The following CCDC187 variants were observed in gnomAD, a reference collection of about 807,000 sequenced individuals.
CCDC187 encodes coiled-coil domain containing 187.
A neutral mutation model predicts 38.0 loss-of-function variants in CCDC187; 32 were observed. The ratio of observed to expected loss-of-function variants is 0.84; its 90% CI spans 0.64 to 1.13. The LOEUF (loss-of-function observed/expected upper bound fraction) is 1.13, where lower values mean the gene tolerates loss of function less well. Among genes scored for constraint, CCDC187 ranks in the 50% most tolerant of loss-of-function variants. The pLI is 0.00. For missense variants in CCDC187, 707 were observed against 786.8 expected (o/e 0.90, Z 1.21); for synonymous variants, 333 against 347.9 (o/e 0.96, Z 0.48).
Position 136,286,534 on chromosome 9 carries a change from C to T in CCDC187, c.2384G>A (p.Arg795Gln), listed in dbSNP as rs953274949. ...TGGGTCCAGGTAGATGCACATCCCC[C>T]GGGGTAGGTAGCGGGTGGTCAGGTC... The part of the protein sequence containing the change: ...LQDLTTRYLP[R>Q]GMCIYLDPKE... Residue 795 changes from arginine (R) to glutamine (Q), a missense_variant, in exon 8 of 26, where the codon CGG (arginine) becomes CAG (glutamine). By Grantham distance (43) the Arg-to-Gln change is conservative. Transcript: ENST00000638797. The T allele has an allele frequency of 2.5e-5, 10 of 398,610 alleles. No homozygotes were observed. Among genetic ancestry groups the T allele is most frequent in the Admixed American group, 8.8e-5 (2 of 22,718 alleles). The allele number at this position is 398,610 out of a possible 1,614,324, so 24.7% of individuals were successfully genotyped here.
chr9:136,250,973 G>T lies in CCDC187; in HGVS notation c.*2621C>A, dbSNP rs889229486. 1 of 455,880 alleles carries T rather than the reference G, an allele frequency of 2.2e-6. No individual in the cohort carries two copies. The highest frequency in any genetic ancestry group is 4.4e-6 in the Non-Finnish European group (1 of 226,692). 28.2% of individuals were successfully genotyped at this position (455,880 alleles called of 1,614,324 possible). ...TGGGGTAGAGGGCCTTGGCAGCTCCGTGTGTCCTGTGACCTGGCATCTTAG... is the reference window on the plus strand; with the variant it reads ...TGGGGTAGAGGGCCTTGGCAGCTCCTTGTGTCCTGTGACCTGGCATCTTAG... On this transcript the variant is annotated 3_prime_UTR_variant, in exon 26 of 26. Transcript: ENST00000638797.
At chr9:136,294,889 G>A (rs1416083571) in intron 4 of CCDC187, among the ~76,000 whole-genome samples, 11 of 152,222 alleles carry the variant, frequency 7.2e-5, no homozygotes, top group East Asian at 1.9e-4. Flanking sequence ...GGTTTAGGGC[G>A]TGGTCTCAGG....
rs1055116212 is a variant in CCDC187, at chr9:136,286,088, G to A, written c.2830C>T (p.Arg944Ter). Residue 944 changes from arginine to a stop codon, truncating the protein, a stop_gained, in exon 8 of 26, where the codon CGA (arginine) becomes TGA (stop). Transcript: ENST00000638797. LOFTEE classifies it high-confidence loss of function. The stretch of plus-strand genomic sequence containing the variant: ...CGTGTCCCGGGTGCCGGCCTACCTC[G>A]GGGCTTGCTCTCGCAGTGGGCCCTC... ...SPRAHCESKP[R>*]GFPEEGHVDV... 10 of 398,466 alleles carry A rather than the reference G, an allele frequency of 2.5e-5. No individual in the cohort carries two copies. The South Asian group carries it at 3.8e-4, about 15-fold the overall frequency. 24.7% of individuals were successfully genotyped at this position (398,466 alleles called of 1,614,324 possible).
At chr9:136,256,105 G>A (rs1438434429) in intron 24 of CCDC187, 106 bp downstream of exon 24, 2 of 518,042 alleles carry the variant, frequency 3.9e-6, no homozygotes, top group African/African-American at 4.1e-5. Context: ...GCACAGGTGT[G>A]CCAGGAGAGA....
rs1433325714 is a variant in CCDC187, at chr9:136,284,276, C to T, written c.2927+1237G>A. Among the ~76,000 whole-genome samples, 3 of 152,294 alleles carry T rather than the reference C, an allele frequency of 2.0e-5. No homozygotes were observed. In the East Asian group the frequency reaches 5.8e-4, roughly 30 times the overall value. ...TGGTGTCTGCCCTCATGCCCTCGGC[C>T]ACCCAGCAGAAGACAGCTTGGTGGA... On this transcript the variant is annotated intron_variant, in intron 9 of 25. Transcript: ENST00000638797.
Position 136,258,747 on chromosome 9 carries a change from G to A in CCDC187, c.4366+185C>T, listed in dbSNP as rs1830645503. 3 of 985,484 alleles carry A rather than the reference G, an allele frequency of 3.0e-6. No homozygotes were observed. The highest frequency in any genetic ancestry group is 3.6e-6 in the Non-Finnish European group (3 of 829,940). 61.0% of individuals were successfully genotyped at this position (985,484 alleles called of 1,614,324 possible). A position where few individuals can be genotyped will look rare whatever the true frequency, so the allele number is the denominator to read the frequency against. ...AGCCGCTGCGTCACCTCCGGTAGGA[G>A]ATGGAGCCGGCCACTCTTCTTGCAG... On this transcript the variant is annotated intron_variant, in intron 22 of 25. Coordinates refer to ENST00000638797, the MANE Select transcript of CCDC187 (RefSeq NM_001378188.1). The surrounding 1 kb of genome is among the most constrained non-coding windows in gnomAD (Gnocchi z 4.3).
chr9:136,295,849 G>C (rs1017449963), intron 4 of CCDC187: 2 of 152,284 alleles, frequency 1.3e-5, no homozygotes, highest in African/African-American at 2.4e-5. Flanking sequence ...CCAAAGACCT[G>C]GGGGAGGGAG....
intron 3 of CCDC187, among the ~76,000 whole-genome samples, chr9:136,298,988 G>A (rs1447455846): frequency 6.6e-6 from 1 of 152,208 alleles, no homozygotes; most frequent in Non-Finnish European, 1.5e-5. Flanking sequence ...GAGGCTGCCA[G>A]GAGCCGGTGA....
chr9:136,305,723 T>G (rs1251358616), upstream of CCDC187, among the ~76,000 whole-genome samples: 3 of 152,210 alleles, frequency 2.0e-5, no homozygotes, highest in Non-Finnish European at 2.9e-5. Context: ...TGGAAATGCG[T>G]CGCTGTGACT....
chr9:136,293,492 TGCTCACAC>T (rs1218817225), intron 4 of CCDC187, among the ~76,000 whole-genome samples: 4 of 133,720 alleles, frequency 3.0e-5, no homozygotes, highest in Admixed American at 7.4e-5. Context: ...CACAAACACA[TGCTCACAC>T]ACTCACAAAC....
In CCDC187 at chr9:136,291,137, A is replaced by G. The variant is rs1831318088; in HGVS notation, c.1476T>C (p.Ser492=). Residue 492 remains serine (S), a synonymous_variant, in exon 6 of 26, where the codon AGT becomes AGC. Transcript: ENST00000638797. ...GACTGCAGGCCTGCCCAGCCAGTGC[A>G]CTCCAGGGCCTCTGGGAGAAGTGGC... ...RLGHFSQRPW[S]ALAGQACSPQ... 2.5e-6 allele frequency: 1 copy of G among 397,434 alleles called. No homozygotes were observed. The highest frequency in any genetic ancestry group is 4.4e-6 in the Non-Finnish European group (1 of 225,690). 24.6% of individuals were successfully genotyped at this position (397,434 alleles called of 1,614,324 possible). A position where few individuals can be genotyped will look rare whatever the true frequency, so the allele number is the denominator to read the frequency against.
chr9:136,259,003 T>TG lies in CCDC187; in HGVS notation c.4297-3dup. On this transcript the variant is annotated splice_polypyrimidine_tract_variant and splice_region_variant and intron_variant, in intron 21 of 25. Transcript: ENST00000638797. The stretch of plus-strand genomic sequence containing the variant: ...GAGGCGCCCCTCCGCCTCCTCGGCC[T>TG]GGGGGGTGAGACGGGAGTGGACATG... 2.0e-6 allele frequency: 2 copies of TG among 984,166 alleles called. No homozygotes were observed. Among genetic ancestry groups the TG allele is most frequent in the Non-Finnish European group, 2.4e-6 (2 of 830,004 alleles). The allele number at this position is 984,166 out of a possible 1,614,324, so 61.0% of individuals were successfully genotyped here.
rs922788727 is a variant in CCDC187 at position 136,259,359 on chromosome 9, G to T, written c.4296+4C>A. 9.1e-6 allele frequency: 9 copies of T among 984,470 alleles called. No homozygotes were observed. Among genetic ancestry groups the T allele is most frequent in the Non-Finnish European group, 1.1e-5 (9 of 829,530 alleles). 61.0% of individuals were successfully genotyped at this position (984,470 alleles called of 1,614,324 possible). A position where few individuals can be genotyped will look rare whatever the true frequency, so the allele number is the denominator to read the frequency against. On this transcript the variant is annotated splice_donor_region_variant and intron_variant, in intron 21 of 25. Coordinates refer to ENST00000638797, the MANE Select transcript of CCDC187 (RefSeq NM_001378188.1). ...GGGAAAGGGCTTCCAGGGAGAGTGC[G>T]TACGGGAAAGGCTGGGCCCAGCCGC...
At chr9:136,304,958 C>T (rs1264803282), upstream of CCDC187, among the ~76,000 whole-genome samples, 1 of 152,240 alleles carries the variant, frequency 6.6e-6, no homozygotes, top group Admixed American at 6.5e-5. Context: ...AACCTGTCCT[C>T]TGGAACCGCC....
At position 136,264,468 on chromosome 9, in the gene CCDC187, C is replaced by CAG. The variant is rs1286470886; in HGVS notation, c.3736-672_3736-671dup. The stretch of plus-strand genomic sequence containing the variant: ...GGCCCCGTCGTTGCCATGTGACATG[C>CAG]AGACCCCTTCTAAGCCCCTTTTGTT... On this transcript the variant is annotated intron_variant, in intron 17 of 25. Transcript: ENST00000638797. This position sits in a 1 kb window ranked among gnomAD's most constrained non-coding sequence, Gnocchi z 4.3. 6.6e-6 allele frequency among the ~76,000 whole-genome samples: 1 copy of CAG among 152,168 alleles called. No individual in the cohort carries two copies. Among genetic ancestry groups the CAG allele is most frequent in the Non-Finnish European group, 1.5e-5 (1 of 68,026 alleles).
intron 6 of CCDC187, among the ~76,000 whole-genome samples, 166 bp from the exon 7 acceptor site, chr9:136,290,219 G>A (rs1831284300): frequency 1.3e-5 from 2 of 152,240 alleles, no homozygotes; most frequent in East Asian, 3.9e-4. Context: ...GAGGCAAGGG[G>A]GTCCCTCCGG....
intron 3 of CCDC187, among the ~76,000 whole-genome samples, chr9:136,299,048 T>C (rs1017079605): frequency 1.3e-5 from 2 of 152,172 alleles, no homozygotes; most frequent in Non-Finnish European, 2.9e-5. Context: ...TGCTGGACCC[T>C]GAACTTGACC....
intron 9 of CCDC187, among the ~76,000 whole-genome samples, 199 bp downstream of exon 9, chr9:136,285,314 C>T (rs1428348327): frequency 4.6e-5 from 7 of 152,118 alleles, no homozygotes; most frequent in South Asian, 2.1e-4. Context: ...TTCCCTGCCC[C>T]GGCCAGCGTC....
In CCDC187 at chr9:136,251,159, G is replaced by A. The variant is rs781908900; in HGVS notation, c.*2435C>T. 1.3e-5 allele frequency: 5 copies of A among 391,784 alleles called. No individual in the cohort carries two copies. Among genetic ancestry groups the A allele is most frequent in the Admixed American group, 2.9e-5 (1 of 34,768 alleles). 24.3% of individuals were successfully genotyped at this position (391,784 alleles called of 1,614,324 possible). A position where few individuals can be genotyped will look rare whatever the true frequency, so the allele number is the denominator to read the frequency against. The stretch of plus-strand genomic sequence containing the variant: ...ACACAGATGTCCCTAAGGCCAACAC[G>A]CTGCTCATCAACTCCGCATTCAAGA... On this transcript the variant is annotated 3_prime_UTR_variant, in exon 26 of 26. Coordinates refer to ENST00000638797, the MANE Select transcript of CCDC187 (RefSeq NM_001378188.1).
Sources: allele counts gnomAD v4.1 joint callset (sites outside exome capture counted in the v4.1 genomes callset), GRCh38; gene constraint gnomAD v4.1.1; non-coding constraint Gnocchi (gnomAD v3.1); transcripts MANE v1.5; gene names NCBI Gene and HGNC (gene_info 2026-07-23, HGNC 2026-07-21).